Variants in CDH12 observed in about 807,000 individuals in gnomAD.
The protein encoded by CDH12 is cadherin 12, also known as cadherin-12.
A neutral mutation model predicts 74.1 loss-of-function variants in CDH12; 41 were observed. The observed-to-expected ratio is 0.55, with a 90% CI of 0.43 to 0.72. The LOEUF is 0.72. Ranked by LOEUF, CDH12 falls within the 30% of genes least tolerant of loss-of-function variation. CDH12 has a pLI of 0.00. For missense variants in CDH12, 945 were observed against 977.2 expected (o/e 0.97, Z 0.44); for synonymous variants, 399 against 355.0 (o/e 1.12, Z -1.39).
At chr5:21,874,561 A>G (rs984648266) in intron 6 of CDH12, among the ~76,000 whole-genome samples, 2 of 152,170 alleles carry the variant, frequency 1.3e-5, no homozygotes, top group Non-Finnish European at 2.9e-5. Context: ...GCATTTGAGC[A>G]GGGAGTGGCA....
At chr5:22,800,694 C>T (rs555960016) in intron 1 of CDH12, among the ~76,000 whole-genome samples, 5 of 152,180 alleles carry the variant, frequency 3.3e-5, no homozygotes, top group Admixed American at 2.6e-4. Context: ...TGTATACCAC[C>T]TTTTCATACC....
intron 4 of CDH12, among the ~76,000 whole-genome samples, chr5:22,088,938 A>G (rs1340026649): frequency 6.6e-6 from 1 of 152,166 alleles, no homozygotes; most frequent in Non-Finnish European, 1.5e-5. Flanking sequence ...CCACCTGCAC[A>G]AAGGGCTTAA....
intron 4 of CDH12, among the ~76,000 whole-genome samples, chr5:22,188,328 C>A (rs1257492033): frequency 1.3e-5 from 2 of 151,708 alleles, no homozygotes; most frequent in Non-Finnish European, 1.5e-5. Context: ...CATGTTGTGA[C>A]ACAGCACGAA....
chr5:22,663,028 T>C (rs550010260), intron 1 of CDH12, among the ~76,000 whole-genome samples: 16 of 152,258 alleles, frequency 1.1e-4, no homozygotes, highest in African/African-American at 3.8e-4. Context: ...TCCTAACATA[T>C]TTGTAAACCT....
chr5:21,783,850 G>A (rs902966059), intron 10 of CDH12, among the ~76,000 whole-genome samples: 1 of 152,064 alleles, frequency 6.6e-6, no homozygotes, highest in Non-Finnish European at 1.5e-5. Context: ...CTGTGTAAAT[G>A]GGGTTGAGAG....
intron 5 of CDH12, among the ~76,000 whole-genome samples, chr5:21,986,679 A>C (rs1757528989): frequency 6.6e-6 from 1 of 152,140 alleles, no homozygotes; most frequent in South Asian, 2.1e-4. Context: ...CATTTCAAAC[A>C]ATGTAGTTAT....
intron 2 of CDH12, among the ~76,000 whole-genome samples, chr5:22,499,297 T>C (rs1442537362): frequency 6.6e-6 from 1 of 152,186 alleles, no homozygotes; most frequent in African/African-American, 2.4e-5. Flanking sequence ...TGACAAAGGT[T>C]ATTATGTAGT....
intron 6 of CDH12, among the ~76,000 whole-genome samples, chr5:21,903,934 A>G (rs2150056740): frequency 6.6e-6 from 1 of 152,222 alleles, no homozygotes; most frequent in East Asian, 1.9e-4. Context: ...ATCATTCCCA[A>G]TTTATTCCTT....
intron 1 of CDH12, among the ~76,000 whole-genome samples, chr5:22,826,386 G>T (rs1736323552): frequency 6.6e-6 from 1 of 152,136 alleles, no homozygotes; most frequent in African/African-American, 2.4e-5. Flanking sequence ...TTTCTGGCAT[G>T]TCTTTATCAG....
At chr5:22,024,450 A>C (rs80140125) in intron 5 of CDH12, among the ~76,000 whole-genome samples, 1,669 of 152,282 alleles carry the variant, frequency 0.011, 31 homozygotes, top group African/African-American at 0.036. Flanking sequence ...ACTTTCAACA[A>C]TATAAATAAC....
intron 1 of CDH12, among the ~76,000 whole-genome samples, chr5:22,694,717 C>A (rs1742257265): frequency 1.1e-5 from 1 of 92,200 alleles, no homozygotes; most frequent in South Asian, 4.0e-4. Flanking sequence ...TTCTTCCACC[C>A]CTTGTACACG....
intron 5 of CDH12, among the ~76,000 whole-genome samples, chr5:22,049,736 G>A (rs1178762043): frequency 6.6e-6 from 1 of 152,116 alleles, no homozygotes; most frequent in Non-Finnish European, 1.5e-5. Flanking sequence ...GGTAACTGTT[G>A]TTGTAGGATA....
intron 1 of CDH12, among the ~76,000 whole-genome samples, chr5:22,657,578 T>A (rs1424666151): frequency 6.6e-6 from 1 of 152,178 alleles, no homozygotes; most frequent in Non-Finnish European, 1.5e-5. Flanking sequence ...ACTCTATTAT[T>A]CACAGTATTA....
intron 1 of CDH12, among the ~76,000 whole-genome samples, chr5:22,680,469 C>A (rs1019206793): frequency 6.6e-6 from 1 of 152,058 alleles, no homozygotes; most frequent in East Asian, 1.9e-4. Context: ...ATCCAACTCA[C>A]GTATTTTATT....
chr5:22,354,572 T>C (rs560276122), intron 3 of CDH12, among the ~76,000 whole-genome samples: 2 of 152,238 alleles, frequency 1.3e-5, no homozygotes, highest in African/African-American at 4.8e-5. Flanking sequence ...TGCCAACATT[T>C]AAGTTGAGTA....
chr5:22,774,766 A>C (rs1368936111), intron 1 of CDH12, among the ~76,000 whole-genome samples: 3 of 152,108 alleles, frequency 2.0e-5, no homozygotes, highest in Non-Finnish European at 2.9e-5. Context: ...CTTTATCAGC[A>C]GTGTGAAAAC....
intron 2 of CDH12, among the ~76,000 whole-genome samples, chr5:22,463,426 T>C (rs1745598185): frequency 6.6e-6 from 1 of 152,178 alleles, no homozygotes; most frequent in African/African-American, 2.4e-5. Context: ...GAACAAGATA[T>C]GTAAACAAAA....
chr5:22,718,806 T>C lies in CDH12; in HGVS notation c.-523+134252A>G, dbSNP rs1561600314. On this transcript the variant is annotated intron_variant, in intron 1 of 14. Transcript: ENST00000382254. ...CCTCCAGTGAGCATTCTAGGGGGCATTCCTCTGTGTATTGCCATGCATTGT... is the reference window on the plus strand; with the variant it reads ...CCTCCAGTGAGCATTCTAGGGGGCACTCCTCTGTGTATTGCCATGCATTGT... Among the ~76,000 whole-genome samples the C allele has an allele frequency of 4.6e-5, 7 of 152,284 alleles. No homozygotes were observed. In the South Asian group the frequency reaches 1.2e-3, roughly 27 times the overall value.
chr5:22,392,867 A>G lies in CDH12; in HGVS notation c.-333+12390T>C, dbSNP rs1238465687. ...GGGAAAACCTTTCTCACACTGTTCT[A>G]CAGTTTACAACACTTATTACAAACT... On this transcript the variant is annotated intron_variant, in intron 3 of 14. Transcript: ENST00000382254. Among the ~76,000 whole-genome samples, 5 of 152,224 alleles carry G rather than the reference A, an allele frequency of 3.3e-5. No homozygotes were observed. In the South Asian group the frequency reaches 1.0e-3, roughly 32 times the overall value.
Sources: allele counts gnomAD v4.1 joint callset (sites outside exome capture counted in the v4.1 genomes callset), GRCh38; gene constraint gnomAD v4.1.1; transcripts MANE v1.5; gene names NCBI Gene and HGNC (gene_info 2026-07-23, HGNC 2026-07-21).